Variants in HIVEP2 observed in about 807,000 individuals in gnomAD.
HIVEP2 encodes the protein HIVEP zinc finger 2, also known as transcription factor HIVEP2.
A neutral mutation model predicts 180.7 loss-of-function variants in HIVEP2; 14 were observed. The observed-to-expected ratio is 0.08, with a 90% CI of 0.05 to 0.12. HIVEP2 has a LOEUF of 0.12. Among genes scored for constraint, HIVEP2 ranks in the 10% least tolerant of loss-of-function variants. The pLI is 1.00. For missense variants in HIVEP2, 2,579 were observed against 3,008.5 expected (o/e 0.86, Z 3.34); for synonymous variants, 1,184 against 1,136.4 (o/e 1.04, Z -0.84).
intron 9 of HIVEP2, among the ~76,000 whole-genome samples, chr6:142,756,807 A>G (rs1057197002): frequency 2.9e-5 from 4 of 135,700 alleles, no homozygotes; most frequent in Admixed American, 2.8e-4. Flanking sequence ...TTATCTATCT[A>G]TCTATCTATC....
intron 2 of HIVEP2, among the ~76,000 whole-genome samples, chr6:142,826,894 T>C (rs1774918483): frequency 6.6e-6 from 1 of 152,214 alleles, no homozygotes; most frequent in Non-Finnish European, 1.5e-5. Context: ...TTTTCTCTGC[T>C]CAGCTATATC....
chr6:142,765,314 C>T (rs1290442544), intron 6 of HIVEP2, among the ~76,000 whole-genome samples: 1 of 152,104 alleles, frequency 6.6e-6, no homozygotes, highest in Non-Finnish European at 1.5e-5. Flanking sequence ...TCTAGTATGG[C>T]CTCCAATCAA....
chr6:142,871,848 A>G (rs1582929806), intron 1 of HIVEP2, among the ~76,000 whole-genome samples: 1 of 152,198 alleles, frequency 6.6e-6, no homozygotes, highest in Non-Finnish European at 1.5e-5. Context: ...CTATAAAATA[A>G]ATGGCACACA....
At chr6:142,836,420 C>T (rs1383734332) in intron 2 of HIVEP2, among the ~76,000 whole-genome samples, 1 of 152,130 alleles carries the variant, frequency 6.6e-6, no homozygotes, top group Admixed American at 6.6e-5. Context: ...GAGCTTTCCA[C>T]AGCAGCACAG....
At chr6:142,836,729 C>A (rs567415120) in intron 2 of HIVEP2, among the ~76,000 whole-genome samples, 3 of 152,198 alleles carry the variant, frequency 2.0e-5, no homozygotes, top group South Asian at 4.1e-4. Context: ...ATTTTCTAAT[C>A]TTCAGCTAAA....
intron 2 of HIVEP2, among the ~76,000 whole-genome samples, chr6:142,810,738 G>T (rs1469528601): frequency 6.9e-6 from 1 of 145,804 alleles, no homozygotes; most frequent in Non-Finnish European, 1.5e-5. Context: ...CTACCGCCTG[G>T]GCAACAGAGT....
In HIVEP2 at chr6:142,783,612, G is replaced by A. The variant is rs1582855124; in HGVS notation, c.-524C>T. ...ACAGGAACTCATGCACAACTTCTGGGAATCTAAAAGATGAATAAGAAGATT... is the reference window on the plus strand; with the variant it reads ...ACAGGAACTCATGCACAACTTCTGGAAATCTAAAAGATGAATAAGAAGATT... On this transcript the variant is annotated 5_prime_UTR_variant, in exon 3 of 10. Coordinates refer to ENST00000367603, the MANE Select transcript of HIVEP2 (RefSeq NM_006734.4). The A allele has an allele frequency of 6.6e-6, 1 of 152,098 alleles. No homozygotes were observed. The highest frequency in any genetic ancestry group is 1.9e-4 in the East Asian group (1 of 5,204). 9.4% of individuals were successfully genotyped at this position (152,098 alleles called of 1,614,324 possible). A position where few individuals can be genotyped will look rare whatever the true frequency, so the allele number is the denominator to read the frequency against.
At chr6:142,852,609 A>G (rs923839817) in intron 1 of HIVEP2, among the ~76,000 whole-genome samples, 4 of 152,230 alleles carry the variant, frequency 2.6e-5, no homozygotes, top group Admixed American at 1.3e-4. Context: ...CACCACAGAT[A>G]TACTTTATTT....
At chr6:142,890,380 C>T (rs1159806594) in intron 1 of HIVEP2, among the ~76,000 whole-genome samples, 3 of 152,204 alleles carry the variant, frequency 2.0e-5, no homozygotes, top group Admixed American at 6.5e-5. Context: ...TTCACATATT[C>T]GTGCACTTGC....
chr6:142,782,555 T>C (rs1184239977), intron 3 of HIVEP2, among the ~76,000 whole-genome samples: 4 of 152,210 alleles, frequency 2.6e-5, no homozygotes, highest in African/African-American at 4.8e-5. Flanking sequence ...TAAAGGCTTC[T>C]TTTAGTAAAA....
At chr6:142,888,493 A>G (rs1450108855) in intron 1 of HIVEP2, among the ~76,000 whole-genome samples, 1 of 152,190 alleles carries the variant, frequency 6.6e-6, no homozygotes, top group Non-Finnish European at 1.5e-5. Flanking sequence ...TTTAATAGTG[A>G]CATTTTTTCA....
chr6:142,771,397 G>A lies in HIVEP2; in HGVS notation c.3342C>T (p.Gly1114=), dbSNP rs1427863187. The A allele has an allele frequency of 1.9e-6, 3 of 1,613,188 alleles. No individual in the cohort carries two copies. Among genetic ancestry groups the A allele is most frequent in the African/African-American group, 2.7e-5 (2 of 75,056 alleles). Residue 1114 remains glycine, a synonymous_variant, in exon 5 of 10, where the codon GGC becomes GGT. Coordinates refer to ENST00000367603, the MANE Select transcript of HIVEP2 (RefSeq NM_006734.4). This position sits in a 1 kb window ranked among gnomAD's most constrained non-coding sequence, Gnocchi z 5.4. The part of the protein sequence containing the change: ...KQEQLEHLHA[G]LRSGWHHGPP... Reference sequence around the variant, plus strand: ...GGCCATGGTGCCACCCGGACCGGAGGCCAGCATGCAGGTGCTCCAGCTGCT... The same window carrying A: ...GGCCATGGTGCCACCCGGACCGGAGACCAGCATGCAGGTGCTCCAGCTGCT...
At chr6:142,928,669 G>A (rs1290296941) in intron 1 of HIVEP2, among the ~76,000 whole-genome samples, 1 of 151,978 alleles carries the variant, frequency 6.6e-6, no homozygotes, top group East Asian at 1.9e-4. Context: ...TAGTATATTA[G>A]AGTTTGCTAT....
intron 1 of HIVEP2, among the ~76,000 whole-genome samples, chr6:142,878,673 G>C (rs775651483): frequency 3.9e-5 from 6 of 152,196 alleles, no homozygotes; most frequent in Non-Finnish European, 8.8e-5. Context: ...CAGGAGACAG[G>C]CTTTTCCCAA....
intron 1 of HIVEP2, among the ~76,000 whole-genome samples, chr6:142,881,459 A>G (rs74404870): frequency 0.011 from 1,717 of 152,274 alleles, 36 homozygotes; most frequent in African/African-American, 0.039. Flanking sequence ...ACACAGTAAG[A>G]ATGGCCCTAC....
In HIVEP2 at chr6:142,928,158, A is replaced by C. The variant is rs531097726; in HGVS notation, c.-641+16941T>G. On this transcript the variant is annotated intron_variant, in intron 1 of 9. Transcript: ENST00000367603. ...CTCTAGCGCAAGACTTCGATAGTGG[A>C]GGAGGCTGTGTGTATGTGGGGACAG... Among the ~76,000 whole-genome samples the C allele has an allele frequency of 5.3e-5, 8 of 152,314 alleles. No individual in the cohort carries two copies. The East Asian group carries it at 1.5e-3, about 29-fold the overall frequency.
intron 2 of HIVEP2, among the ~76,000 whole-genome samples, chr6:142,786,478 G>A (rs1221569336): frequency 6.6e-6 from 1 of 152,168 alleles, no homozygotes; most frequent in Non-Finnish European, 1.5e-5. Context: ...CAACCTGCAG[G>A]TTAATGGAAG....
intron 1 of HIVEP2, among the ~76,000 whole-genome samples, chr6:142,866,252 T>C (rs149384207): frequency 2.3e-3 from 347 of 152,292 alleles, no homozygotes; most frequent in African/African-American, 8.2e-3. Flanking sequence ...ATGAGGATAA[T>C]ATCAGCAACA....
At chr6:142,854,711 C>T (rs866412403) in intron 1 of HIVEP2, among the ~76,000 whole-genome samples, 1 of 152,180 alleles carries the variant, frequency 6.6e-6, no homozygotes, top group Non-Finnish European at 1.5e-5. Flanking sequence ...TGAATGTGAA[C>T]CCTGCCACCA....
Sources: allele counts gnomAD v4.1 joint callset (sites outside exome capture counted in the v4.1 genomes callset), GRCh38; gene constraint gnomAD v4.1.1; non-coding constraint Gnocchi (gnomAD v3.1); transcripts MANE v1.5; gene names NCBI Gene and HGNC (gene_info 2026-07-23, HGNC 2026-07-21).